Variants in LYN observed in about 807,000 individuals in gnomAD.
LYN encodes tyrosine-protein kinase Lyn.
In LYN, 12 loss-of-function variants were observed where a neutral mutation model predicts 65.0. The observed-to-expected ratio is 0.18, with a 90% CI of 0.12 to 0.30. LYN has a LOEUF of 0.30. Ranked by LOEUF, LYN falls within the 10% of genes least tolerant of loss-of-function variation. The pLI is 1.00. For synonymous variants in LYN, 222 were observed against 221.2 expected, an observed-to-expected ratio of 1.00 and a Z score of -0.03; for missense variants, 380 against 623.2, an observed-to-expected ratio of 0.61 and a Z score of 4.16.
intron 12 of LYN, among the ~76,000 whole-genome samples, chr8:56,006,552 T>C (rs1189013461): frequency 6.6e-6 from 1 of 152,214 alleles, no homozygotes; most frequent in African/African-American, 2.4e-5. Context: ...CTCTGCTGAT[T>C]TCTACCCACT....
intron 6 of LYN, 144 bp from the exon 7 acceptor site, chr8:55,951,822 A>G (rs945209685): frequency 6.8e-6 from 4 of 590,384 alleles, no homozygotes; most frequent in Non-Finnish European, 1.1e-5. Flanking sequence ...TTTTTATAGG[A>G]CTTTTAAAAT....
chr8:55,950,744 C>T lies in LYN; in HGVS notation c.447C>T (p.Ser149=), dbSNP rs147547470. ...GGCAGCTTTTGGCACCAGGAAATAG[C>T]GCTGGAGCTTTCCTTATTAGAGAAA... ...AERQLLAPGN[S]AGAFLIRESE... is the part of the protein sequence containing the mutation. The change falls in exon 6 of 13, where the codon AGC becomes AGT. Residue 149 remains serine (S), a synonymous_variant. Coordinates refer to ENST00000519728, the MANE Select transcript of LYN (RefSeq NM_002350.4). 461 of 1,613,832 alleles carry T rather than the reference C, an allele frequency of 2.9e-4. 3 individuals are homozygous for T. The African/African-American group carries it at 4.8e-3, about 17-fold the overall frequency.
intron 12 of LYN, among the ~76,000 whole-genome samples, chr8:56,005,870 G>A (rs1006749445): frequency 6.6e-6 from 1 of 152,142 alleles, no homozygotes; most frequent in Admixed American, 6.5e-5. Flanking sequence ...GATTGCTTGA[G>A]GCCAGGAATT....
chr8:55,911,909 T>A (rs766599562), intron 1 of LYN, among the ~76,000 whole-genome samples: 1 of 152,042 alleles, frequency 6.6e-6, no homozygotes, highest in Non-Finnish European at 1.5e-5. Context: ...TATGGACAGG[T>A]CTTATTGATG....
intron 1 of LYN, among the ~76,000 whole-genome samples, chr8:55,923,089 G>A (rs554265642): frequency 6.6e-6 from 1 of 152,292 alleles, no homozygotes; most frequent in South Asian, 2.1e-4. Context: ...CAGGATGACT[G>A]AGGGTTTGAG....
chr8:55,961,887 C>T (rs1281271480), intron 8 of LYN, among the ~76,000 whole-genome samples: 7 of 151,544 alleles, frequency 4.6e-5, no homozygotes, highest in African/African-American at 1.7e-4. Context: ...CTCCCACCCA[C>T]ACCCTACCTG....
chr8:56,009,887 TTTTG>T lies in LYN; in HGVS notation c.1337-17_1337-14del. ...TCTAAACGGCATGGGTTTCTGTTCTTTTTGTTTTTTTCCACCCTAGGGAGAACTA... is the reference window on the plus strand; with the variant it reads ...TCTAAACGGCATGGGTTTCTGTTCTTTTTTTTTCCACCCTAGGGAGAACTA... On this transcript the variant is annotated splice_polypyrimidine_tract_variant and intron_variant, in intron 12 of 12. Transcript: ENST00000519728. 1 of 1,609,394 alleles carries T rather than the reference TTTTG, an allele frequency of 6.2e-7. No homozygotes were observed. Among genetic ancestry groups the T allele is most frequent in the Non-Finnish European group, 8.5e-7 (1 of 1,176,856 alleles).
intron 4 of LYN, among the ~76,000 whole-genome samples, chr8:55,948,218 C>T (rs948553926): frequency 6.6e-6 from 1 of 152,210 alleles, no homozygotes; most frequent in African/African-American, 2.4e-5. Flanking sequence ...AAGCAATTCT[C>T]CTGCCTTGGC....
intron 9 of LYN, among the ~76,000 whole-genome samples, 187 bp downstream of exon 9, chr8:55,967,084 T>C (rs932248980): frequency 2.6e-5 from 4 of 151,658 alleles, no homozygotes; most frequent in Admixed American, 1.3e-4. Flanking sequence ...TGTCACAGAA[T>C]TGAAATCTAA....
At chr8:56,002,636 A>C (rs1290100760) in intron 12 of LYN, among the ~76,000 whole-genome samples, 1 of 151,302 alleles carries the variant, frequency 6.6e-6, no homozygotes, top group Admixed American at 6.6e-5. Flanking sequence ...AATTAAATTA[A>C]ATTAAATTAA....
chr8:55,927,087 A>G lies in LYN; in HGVS notation c.-5-14768A>G, dbSNP rs536419036. On this transcript the variant is annotated intron_variant, in intron 1 of 12. Transcript: ENST00000519728. ...TACATTTGTTATCACTGATAAGCCA[A>G]TGTTGATACATTAATTAAAATCTAC... is the stretch of plus-strand genomic sequence containing the variant. Among the ~76,000 whole-genome samples the G allele has an allele frequency of 7.2e-5, 11 of 152,358 alleles. No individual in the cohort carries two copies. The East Asian group carries it at 2.1e-3, about 29-fold the overall frequency.
At chr8:55,887,142 A>T (rs528753347) in intron 1 of LYN, among the ~76,000 whole-genome samples, 18 of 152,270 alleles carry the variant, frequency 1.2e-4, no homozygotes, top group South Asian at 6.2e-4. Flanking sequence ...AATATGAAAA[A>T]TTTTTTTTCA....
chr8:55,978,191 C>T (rs1807809922), intron 10 of LYN, among the ~76,000 whole-genome samples: 1 of 152,242 alleles, frequency 6.6e-6, no homozygotes, highest in South Asian at 2.1e-4. Context: ...TAATGGGGAT[C>T]GACTGAGCAT....
intron 10 of LYN, among the ~76,000 whole-genome samples, chr8:55,972,774 C>T (rs1454019554): frequency 6.6e-6 from 1 of 152,168 alleles, no homozygotes; most frequent in Non-Finnish European, 1.5e-5. Context: ...CCAGATACTT[C>T]GATAATCCAA....
At position 55,951,296 on chromosome 8, in the gene LYN, T is replaced by C. The variant is rs374127861; in HGVS notation, c.487+512T>C. 2.1e-4 allele frequency among the ~76,000 whole-genome samples: 32 copies of C among 152,136 alleles called. No homozygotes were observed. The East Asian group carries it at 2.1e-3, about 10-fold the overall frequency. ...AAAGTACTGTAGAAAGCACACATGA[T>C]TGTGGCCAGTTCTTACCAGGCTTTG... On this transcript the variant is annotated intron_variant, in intron 6 of 12. Transcript: ENST00000519728.
At chr8:55,921,818 A>G (rs546583430) in intron 1 of LYN, among the ~76,000 whole-genome samples, 1 of 152,322 alleles carries the variant, frequency 6.6e-6, no homozygotes, top group Admixed American at 6.5e-5. Context: ...TATATTAGTA[A>G]TAATAATGTT....
In LYN at chr8:55,979,527, C is replaced by T. The variant is rs1807858664; in HGVS notation, c.1050+9734C>T. ...CTATGCATTTGTGTCTGTAGCTCTG[C>T]AGCTCGTGGGGCTTTGTGAAACACA... On this transcript the variant is annotated intron_variant, in intron 10 of 12. Transcript: ENST00000519728. Among the ~76,000 whole-genome samples the T allele has an allele frequency of 2.0e-5, 3 of 152,200 alleles. No individual in the cohort carries two copies. In the South Asian group the frequency reaches 6.2e-4, roughly 31 times the overall value.
intron 1 of LYN, among the ~76,000 whole-genome samples, chr8:55,917,568 G>T (rs1464618729): frequency 3.9e-5 from 6 of 152,168 alleles, no homozygotes; most frequent in African/African-American, 1.4e-4. Context: ...GGAGGATAGT[G>T]CTAATGAACT....
At chr8:55,981,541 A>G (rs746909402) in intron 10 of LYN, among the ~76,000 whole-genome samples, 3 of 152,154 alleles carry the variant, frequency 2.0e-5, no homozygotes, top group Non-Finnish European at 4.4e-5. Flanking sequence ...TTTAATATAG[A>G]GATAGGGTCT....
Sources: gnomAD v4.1 joint callset for allele counts (sites outside exome capture counted in the v4.1 genomes callset) on GRCh38, gnomAD v4.1.1 for gene constraint, MANE v1.5 for transcripts, NCBI Gene and HGNC (gene_info 2026-07-23, HGNC 2026-07-21) for gene names.